Variants in EXOC4 observed in about 807,000 individuals in gnomAD.
The protein encoded by EXOC4 is exocyst complex component 4, also known as SEC8-like 1.
In EXOC4, 71 loss-of-function variants were observed where a neutral mutation model predicts 107.2. The observed-to-expected ratio is 0.66, with a 90% CI of 0.55 to 0.81. The LOEUF (loss-of-function observed/expected upper bound fraction) is 0.81, where lower values mean the gene tolerates loss of function less well. Ranked by LOEUF, EXOC4 falls within the 30% of genes least tolerant of loss-of-function variation. The pLI is 0.00. For missense variants in EXOC4, 1,108 were observed against 1,189.6 expected (o/e 0.93, Z 1.01); for synonymous variants, 456 against 441.2 (o/e 1.03, Z -0.42).
chr7:133,702,658 C>G (rs1794691711), intron 10 of EXOC4, among the ~76,000 whole-genome samples: 1 of 152,108 alleles, frequency 6.6e-6, no homozygotes, highest in Non-Finnish European at 1.5e-5. Flanking sequence ...GAAGAAACAT[C>G]AGAAGCAGTT....
intron 10 of EXOC4, among the ~76,000 whole-genome samples, chr7:133,755,264 T>TTA (rs570842939): frequency 1.1e-5 from 1 of 94,248 alleles, no homozygotes; most frequent in Non-Finnish European, 2.0e-5. Flanking sequence ...TATATATATA[T>TTA]TATATATATT....
At chr7:133,408,135 A>C (rs1178670600) in intron 7 of EXOC4, among the ~76,000 whole-genome samples, 1 of 149,954 alleles carries the variant, frequency 6.7e-6, no homozygotes, top group Non-Finnish European at 1.5e-5. Flanking sequence ...GTGATAATGG[A>C]GGTGGTGGTG....
intron 5 of EXOC4, among the ~76,000 whole-genome samples, chr7:133,345,764 C>G (rs1279732733): frequency 2.0e-5 from 3 of 152,208 alleles, no homozygotes; most frequent in African/African-American, 7.2e-5. Flanking sequence ...AAACTCACTG[C>G]CCTCCCTGCG....
intron 9 of EXOC4, among the ~76,000 whole-genome samples, chr7:133,550,777 A>G (rs1408926838): frequency 2.6e-5 from 4 of 152,110 alleles, no homozygotes; most frequent in Non-Finnish European, 1.5e-5. Flanking sequence ...TTGATTTAAC[A>G]TTGCTGGACT....
chr7:133,982,693 A>G (rs1794019562), intron 14 of EXOC4, among the ~76,000 whole-genome samples: 1 of 152,200 alleles, frequency 6.6e-6, no homozygotes, highest in African/African-American at 2.4e-5. Context: ...TCATTTAATC[A>G]TCAGAATCCT....
At chr7:134,077,562 G>T in the EXOC4 span, among the ~76,000 whole-genome samples, 3,246 of 152,278 alleles carry the variant, frequency 0.021, 50 homozygotes, top group Non-Finnish European at 0.036. Flanking sequence ...TATTGAGTGC[G>T]CTCAGGCCCA....
intron 9 of EXOC4, among the ~76,000 whole-genome samples, chr7:133,601,256 G>A (rs915885913): frequency 1.3e-5 from 2 of 151,904 alleles, no homozygotes; most frequent in South Asian, 4.2e-4. Context: ...CATACTTACT[G>A]ATAGTCCTGT....
chr7:133,528,131 C>G (rs567036416), intron 9 of EXOC4, among the ~76,000 whole-genome samples: 108 of 152,274 alleles, frequency 7.1e-4, no homozygotes, highest in African/African-American at 2.4e-3. Flanking sequence ...TGAAGACTCA[C>G]CTGATAATCT....
chr7:133,976,795 A>G (rs947981229), intron 14 of EXOC4, among the ~76,000 whole-genome samples: 2 of 152,174 alleles, frequency 1.3e-5, no homozygotes, highest in Non-Finnish European at 1.5e-5. Context: ...TATTTTTTTA[A>G]CTTAGCTCTT....
intron 17 of EXOC4, 86 bp from the exon 18 acceptor site, chr7:134,064,205 A>G (rs1796133493): frequency 1.2e-6 from 1 of 808,044 alleles, no homozygotes; most frequent in Non-Finnish European, 1.9e-6. Flanking sequence ...AAGTAGAGGA[A>G]TCAATGTATA....
intron 4 of EXOC4, among the ~76,000 whole-genome samples, chr7:133,309,891 G>A (rs1454935070): frequency 6.6e-6 from 1 of 151,280 alleles, no homozygotes; most frequent in Non-Finnish European, 1.5e-5. Flanking sequence ...AGTGAGCCGA[G>A]ATCACACCAC....
chr7:134,030,703 C>T (rs1010002981), intron 17 of EXOC4, among the ~76,000 whole-genome samples: 2 of 144,132 alleles, frequency 1.4e-5, no homozygotes, highest in African/African-American at 2.5e-5. Context: ...CCCCCCGCCC[C>T]GAGTAGAGAG....
At chr7:133,982,960 C>CT (rs1794026646) in intron 14 of EXOC4, among the ~76,000 whole-genome samples, 1 of 152,136 alleles carries the variant, frequency 6.6e-6, no homozygotes, top group African/African-American at 2.4e-5. Context: ...TCTTGCACTA[C>CT]TATAAAGAAA....
the EXOC4 span, among the ~76,000 whole-genome samples, chr7:134,099,475 C>G: frequency 2.6e-5 from 4 of 151,406 alleles, no homozygotes; most frequent in South Asian, 8.4e-4. Flanking sequence ...TAGTTCCCCC[C>G]AGTGTATTAC....
chr7:133,910,200 G>A lies in EXOC4; in HGVS notation c.1872-7383G>A, dbSNP rs1431959842. Among the ~76,000 whole-genome samples, 5 of 152,314 alleles carry A rather than the reference G, an allele frequency of 3.3e-5. No individual in the cohort carries two copies. The East Asian group carries it at 9.7e-4, about 29-fold the overall frequency. On this transcript the variant is annotated intron_variant, in intron 12 of 17. Transcript: ENST00000253861. ...GCCTCCCAAAGTGCTGGGATTACAG[G>A]CGTCAACCACTGCGTCCAGCTGAGA...
intron 5 of EXOC4, among the ~76,000 whole-genome samples, chr7:133,333,570 T>G (rs1295182766): frequency 1.3e-5 from 2 of 152,220 alleles, no homozygotes; most frequent in Admixed American, 6.5e-5. Context: ...TGCTTATGTA[T>G]ATTACATGTG....
intron 17 of EXOC4, among the ~76,000 whole-genome samples, chr7:134,059,197 G>T (rs1795998678): frequency 6.6e-6 from 1 of 152,128 alleles, no homozygotes; most frequent in Non-Finnish European, 1.5e-5. Flanking sequence ...CCATGGGCGG[G>T]AATAGTTTAT....
intron 10 of EXOC4, among the ~76,000 whole-genome samples, chr7:133,689,746 G>A (rs755792540): frequency 3.3e-5 from 5 of 152,198 alleles, no homozygotes; most frequent in South Asian, 4.1e-4. Flanking sequence ...CCCAAGGTCA[G>A]GGACCTTCTC....
chr7:133,713,938 C>T (rs1794947618), intron 10 of EXOC4, among the ~76,000 whole-genome samples: 1 of 152,012 alleles, frequency 6.6e-6, no homozygotes, highest in Non-Finnish European at 1.5e-5. Context: ...TGAAAATAGA[C>T]TAGTACAGTA....
Sources: gnomAD v4.1 joint callset for allele counts (sites outside exome capture counted in the v4.1 genomes callset) on GRCh38, gnomAD v4.1.1 for gene constraint, MANE v1.5 for transcripts, NCBI Gene and HGNC (gene_info 2026-07-23, HGNC 2026-07-21) for gene names.